Variants in CGNL1 observed in about 807,000 individuals in gnomAD.
CGNL1 encodes the protein cingulin like 1.
CGNL1 carries 132 observed loss-of-function variants against 141.2 expected under a neutral mutation model. The ratio of observed to expected loss-of-function variants is 0.93; its 90% CI spans 0.81 to 1.08. The LOEUF (loss-of-function observed/expected upper bound fraction) is 1.08, where lower values mean the gene tolerates loss of function less well. Among genes scored for constraint, CGNL1 ranks in the 50% least tolerant of loss-of-function variants. The pLI, the probability that CGNL1 is intolerant of heterozygous loss-of-function variation, is 0.00. For synonymous variants in CGNL1, 690 were observed against 622.1 expected (o/e 1.11, Z -1.63); for missense variants, 1,870 against 1,588.6 (o/e 1.18, Z -3.01).
chr15:57,450,438 G>A (rs531137764), intron 4 of CGNL1, among the ~76,000 whole-genome samples: 3 of 152,198 alleles, frequency 2.0e-5, no homozygotes, highest in South Asian at 2.1e-4. Flanking sequence ...CACTACGCCC[G>A]GCTAATTTTT....
At position 57,523,374 on chromosome 15, in the gene CGNL1, C is replaced by T. The variant is rs550142841; in HGVS notation, c.2716-115C>T. 790 of 820,400 alleles carry T rather than the reference C, an allele frequency of 9.6e-4. 4 individuals carry two copies. Among genetic ancestry groups the T allele is most frequent in the South Asian group, 5.4e-3 (281 of 51,610 alleles). 50.8% of individuals were successfully genotyped at this position (820,400 alleles called of 1,614,324 possible). ...TTTATTTTGATCTTCTTCCTCATCA[C>T]GGATTTAACAGATCTGATTGCTTTG... On this transcript the variant is annotated intron_variant, in intron 10 of 18. Transcript: ENST00000281282.
chr15:57,393,623 T>C (rs1476398447), intron 1 of CGNL1, among the ~76,000 whole-genome samples: 2 of 152,190 alleles, frequency 1.3e-5, no homozygotes, highest in Non-Finnish European at 2.9e-5. Flanking sequence ...TCTGAGATCA[T>C]TGGTACGTTA....
intron 7 of CGNL1, among the ~76,000 whole-genome samples, chr15:57,455,880 G>A (rs2063373398): frequency 6.6e-6 from 1 of 152,154 alleles, no homozygotes; most frequent in African/African-American, 2.4e-5. Context: ...GTGGGCAATA[G>A]CACATATTTT....
In CGNL1 at chr15:57,547,590, A is replaced by T. The variant is rs2131730; in HGVS notation, c.*100A>T. 270,347 of 1,352,450 alleles carry T rather than the reference A, an allele frequency of 0.2. 28,016 individuals carry two copies. The highest frequency in any genetic ancestry group is 0.27 in the African/African-American group (18,626 of 68,840). The allele number at this position is 1,352,450 out of a possible 1,614,324, so 83.8% of individuals were successfully genotyped here. A position where few individuals can be genotyped will look rare whatever the true frequency, so the allele number is the denominator to read the frequency against. On this transcript the variant is annotated 3_prime_UTR_variant, in exon 19 of 19. Transcript: ENST00000281282. ...GGAGCATCTGTCTGCCACTGAGACC[A>T]ATCACAGCCTCTTTGCACAGCATGC...
Position 57,546,162 on chromosome 15 carries a change from G to A in CGNL1, c.3696G>A (p.Leu1232=), listed in dbSNP as rs2032855033. The A allele has an allele frequency of 6.2e-7, 1 of 1,612,742 alleles. No individual in the cohort carries two copies. The highest frequency in any genetic ancestry group is 8.5e-7 in the Non-Finnish European group (1 of 1,179,500). The part of the protein sequence containing the change: ...IDRLESSKKK[L]QRELEEQMDM... ...GACTGGAAAGTTCTAAAAAGAAGCT[G>A]CAGAGGGAGCTGGAGGAGCAGATGG... The change falls in exon 18 of 19, where the codon CTG becomes CTA. Residue 1232 remains leucine (L), a synonymous_variant. Coordinates refer to ENST00000281282, the MANE Select transcript of CGNL1 (RefSeq NM_032866.5).
In CGNL1 at chr15:57,438,496, A is replaced by G. The variant is rs747799389; in HGVS notation, c.497A>G (p.Asn166Ser). The G allele has an allele frequency of 8.1e-6, 13 of 1,614,160 alleles. No individual in the cohort carries two copies. In the South Asian group the frequency reaches 1.3e-4, roughly 16 times the overall value. The change falls in exon 2 of 19, where the codon AAT becomes AGT. Residue 166 changes from asparagine (N) to serine (S), a missense_variant. Coordinates refer to ENST00000281282, the MANE Select transcript of CGNL1 (RefSeq NM_032866.5). ...DPEKNELNLQ[N>S]HQPSESNWLK... Reference sequence around the variant, plus strand: ...GAAAAGAATGAGTTGAATTTACAAAATCACCAGCCTTCTGAGAGTAATTGG... The same window carrying G: ...GAAAAGAATGAGTTGAATTTACAAAGTCACCAGCCTTCTGAGAGTAATTGG...
At chr15:57,480,415 G>A (rs2063711064) in intron 8 of CGNL1, among the ~76,000 whole-genome samples, 1 of 152,072 alleles carries the variant, frequency 6.6e-6, no homozygotes, top group African/African-American at 2.4e-5. Flanking sequence ...AGCTACTTGG[G>A]ATGGTGAGGC....
chr15:57,494,765 C>G (rs540408278), intron 8 of CGNL1, among the ~76,000 whole-genome samples: 1 of 152,362 alleles, frequency 6.6e-6, no homozygotes, highest in East Asian at 1.9e-4. Flanking sequence ...CAGTGTTCAG[C>G]TGGCATCTCA....
At chr15:57,443,176 G>A (rs915816284) in intron 4 of CGNL1, among the ~76,000 whole-genome samples, 1 of 152,172 alleles carries the variant, frequency 6.6e-6, no homozygotes, top group Non-Finnish European at 1.5e-5. Flanking sequence ...AAAGAGCCCA[G>A]TGGTGCCAAG....
chr15:57,426,459 T>G (rs2062975557), intron 1 of CGNL1, among the ~76,000 whole-genome samples: 1 of 151,558 alleles, frequency 6.6e-6, no homozygotes. Context: ...TTTTTTTTTT[T>G]TTTTAAAGAC....
intron 12 of CGNL1, among the ~76,000 whole-genome samples, chr15:57,525,653 A>G (rs546334387): frequency 6.6e-6 from 1 of 152,320 alleles, no homozygotes; most frequent in South Asian, 2.1e-4. Flanking sequence ...AAGATTCCAC[A>G]GGAAAACATT....
intron 4 of CGNL1, among the ~76,000 whole-genome samples, chr15:57,447,517 G>A (rs1260088859): frequency 6.6e-6 from 1 of 152,184 alleles, no homozygotes; most frequent in African/African-American, 2.4e-5. Flanking sequence ...TGAAAGTGAT[G>A]TGTCTTTTCC....
At position 57,422,681 on chromosome 15, in the gene CGNL1, T is replaced by C. The variant is rs140398925; in HGVS notation, c.-15-15304T>C. 9.5e-4 allele frequency among the ~76,000 whole-genome samples: 144 copies of C among 152,288 alleles called. 2 individuals are homozygous for C. The Middle Eastern group carries it at 0.01, about 11-fold the overall frequency. Reference sequence around the variant, plus strand: ...AGAGTTAATTACATTATTATTATTATTGCAAACTAAAAATTGCTCCCAGGT... The same window carrying C: ...AGAGTTAATTACATTATTATTATTACTGCAAACTAAAAATTGCTCCCAGGT... On this transcript the variant is annotated intron_variant, in intron 1 of 18. Coordinates refer to ENST00000281282, the MANE Select transcript of CGNL1 (RefSeq NM_032866.5).
chr15:57,385,226 A>G (rs2062469967), intron 1 of CGNL1, among the ~76,000 whole-genome samples: 1 of 152,200 alleles, frequency 6.6e-6, no homozygotes, highest in Non-Finnish European at 1.5e-5. Flanking sequence ...TAAATGCATG[A>G]GCTAGTAGAA....
chr15:57,498,779 G>A (rs2063980052), intron 8 of CGNL1, among the ~76,000 whole-genome samples: 1 of 152,066 alleles, frequency 6.6e-6, no homozygotes, highest in Admixed American at 6.6e-5. Flanking sequence ...AGGAGGCAGA[G>A]TCTTCAGGCA....
At chr15:57,461,328 A>G (rs2063443276) in intron 7 of CGNL1, among the ~76,000 whole-genome samples, 1 of 152,184 alleles carries the variant, frequency 6.6e-6, no homozygotes, top group African/African-American at 2.4e-5. Context: ...AAGCAACAGC[A>G]CACACAGGGC....
At chr15:57,425,734 C>T (rs1461749356) in intron 1 of CGNL1, among the ~76,000 whole-genome samples, 1 of 116,588 alleles carries the variant, frequency 8.6e-6, no homozygotes, top group East Asian at 2.1e-4. Flanking sequence ...GAGCAAGAGC[C>T]TGTCTCAAAA....
At chr15:57,413,178 T>TC in intron 1 of CGNL1, among the ~76,000 whole-genome samples, 1 of 150,840 alleles carries the variant, frequency 6.6e-6, no homozygotes, top group African/African-American at 2.5e-5. Context: ...TCTTTCTTTC[T>TC]TTCTTTCTCT....
At position 57,442,182 on chromosome 15, in the gene CGNL1, G is replaced by GGAAAAAAAAAAAAAAAAAAAAAA. The variant is rs1491455852; in HGVS notation, c.1698-191_1698-190insGAAAAAAAAAAAAAAAAAAAAAA. ...TTGAGTGGTAACACATCATTTATTT[G>GGAAAAAAAAAAAAAAAAAAAAAA]AAAAAAAAAAAAAAAAAAAAAGACA... is the stretch of plus-strand genomic sequence containing the variant. On this transcript the variant is annotated intron_variant, in intron 3 of 18. Coordinates refer to ENST00000281282, the MANE Select transcript of CGNL1 (RefSeq NM_032866.5). Among the ~76,000 whole-genome samples the GGAAAAAAAAAAAAAAAAAAAAAA allele has an allele frequency of 4.6e-4, 44 of 96,502 alleles. 3 individuals are homozygous for GGAAAAAAAAAAAAAAAAAAAAAA. The highest frequency in any genetic ancestry group is 1.8e-3 in the East Asian group (5 of 2,808). 63.3% of individuals were successfully genotyped at this position (96,502 alleles called of 152,430 possible).
Sources: gnomAD v4.1 joint callset for allele counts (sites outside exome capture counted in the v4.1 genomes callset) on GRCh38, gnomAD v4.1.1 for gene constraint, MANE v1.5 for transcripts, NCBI Gene and HGNC (gene_info 2026-07-23, HGNC 2026-07-21) for gene names.